The following SVIL variants were observed in gnomAD, a reference collection of about 807,000 sequenced individuals.
SVIL encodes the protein archvillin.
In SVIL, 101 loss-of-function variants were observed where a neutral mutation model predicts 240.4. That is an observed-to-expected ratio of 0.42 (90% CI 0.36 to 0.50). SVIL has a LOEUF of 0.50. Ranked by LOEUF, SVIL falls within the 20% of genes least tolerant of loss-of-function variation. The probability of loss-of-function intolerance (pLI) is 0.01; values close to 1 mark genes in which losing one functional copy is unlikely to be tolerated. For synonymous variants in SVIL, 999 were observed against 1,100.0 expected, an observed-to-expected ratio of 0.91 and a Z score of 1.82; for missense variants, 2,512 against 2,818.7, an observed-to-expected ratio of 0.89 and a Z score of 2.46.
chr10:29,713,912 T>A (rs1963452188), intron 1 of SVIL, among the ~76,000 whole-genome samples: 1 of 152,248 alleles, frequency 6.6e-6, no homozygotes, highest in Non-Finnish European at 1.5e-5. Flanking sequence ...AATGTGCTTA[T>A]GAGCTTTTGG....
chr10:29,499,099 G>T lies in SVIL; in HGVS notation c.3664+17C>A, dbSNP rs200467505. On this transcript the variant is annotated intron_variant, in intron 18 of 37. Coordinates refer to ENST00000355867, the MANE Select transcript of SVIL (RefSeq NM_021738.3). ...GCATTGTGCACACACCACACACATG[G>T]ACACACACACACTGACCTTTCTTCA... is the stretch of plus-strand genomic sequence containing the variant. 2.5e-6 allele frequency: 4 copies of T among 1,587,842 alleles called. No homozygotes were observed. The highest frequency in any genetic ancestry group is 1.1e-5 in the South Asian group (1 of 89,744).
intron 6 of SVIL, among the ~76,000 whole-genome samples, chr10:29,540,105 G>A (rs946657132): frequency 3.3e-5 from 5 of 152,056 alleles, no homozygotes; most frequent in East Asian, 3.9e-4. Flanking sequence ...TCTATCTTCC[G>A]CTTAGCAGCC....
chr10:29,646,426 G>A (rs1958661144), intron 3 of SVIL, among the ~76,000 whole-genome samples: 1 of 152,170 alleles, frequency 6.6e-6, no homozygotes, highest in African/African-American at 2.4e-5. Context: ...CGCTGCCCAG[G>A]GACCATGTGT....
At position 29,492,382 on chromosome 10, in the gene SVIL, G is replaced by A. The variant is rs112062399; in HGVS notation, c.4019+832C>T. Reference sequence around the variant, plus strand: ...TGGGGTGTCCATCTGCCGCCAGGCCGCTGCCTGACGGAGAGTGAGGCCAGC... The same window carrying A: ...TGGGGTGTCCATCTGCCGCCAGGCCACTGCCTGACGGAGAGTGAGGCCAGC... On this transcript the variant is annotated intron_variant, in intron 21 of 37. Coordinates refer to ENST00000355867, the MANE Select transcript of SVIL (RefSeq NM_021738.3). Among the ~76,000 whole-genome samples the A allele has an allele frequency of 8.6e-3, 1,310 of 152,056 alleles. 15 individuals are homozygous for A. The highest frequency in any genetic ancestry group is 0.027 in the African/African-American group (1,139 of 41,472).
chr10:29,691,517 A>T (rs1220242763), intron 1 of SVIL, among the ~76,000 whole-genome samples: 1 of 152,128 alleles, frequency 6.6e-6, no homozygotes, highest in African/African-American at 2.4e-5. Context: ...AGCCCCAATA[A>T]TGAATAATTT....
intron 2 of SVIL, among the ~76,000 whole-genome samples, chr10:29,663,479 C>G (rs951257737): frequency 6.6e-6 from 1 of 152,156 alleles, no homozygotes; most frequent in Non-Finnish European, 1.5e-5. Context: ...ACCTCCGCCT[C>G]CCAGGTCCAT....
At chr10:29,469,325 T>C (rs1945291519) in intron 32 of SVIL, among the ~76,000 whole-genome samples, 1 of 152,172 alleles carries the variant, frequency 6.6e-6, no homozygotes, top group Non-Finnish European at 1.5e-5. Context: ...CGTTCTCCTC[T>C]CTGCCCTCTC....
chr10:29,500,747 G>T (rs951483435), intron 17 of SVIL, among the ~76,000 whole-genome samples: 1 of 152,126 alleles, frequency 6.6e-6, no homozygotes, highest in Non-Finnish European at 1.5e-5. Flanking sequence ...AAGGCCTCGC[G>T]CTGACACAGG....
chr10:29,719,921 T>C (rs1247093), intron 1 of SVIL, among the ~76,000 whole-genome samples: 2 of 151,930 alleles, frequency 1.3e-5, no homozygotes, highest in Admixed American at 6.6e-5. Context: ...GGCTGAAAAA[T>C]TATGCCAAAC....
chr10:29,585,530 C>T (rs1415051077), intron 1 of SVIL, among the ~76,000 whole-genome samples: 8 of 152,112 alleles, frequency 5.3e-5, no homozygotes, highest in Non-Finnish European at 8.8e-5. Context: ...TTTGTGCTTT[C>T]CCTGAACAGC....
intron 1 of SVIL, among the ~76,000 whole-genome samples, chr10:29,569,987 C>T (rs986266731): frequency 6.6e-6 from 1 of 152,206 alleles, no homozygotes; most frequent in African/African-American, 2.4e-5. Flanking sequence ...GTTTTACAGC[C>T]TTTGGCTTAC....
chr10:29,478,466 T>A (rs1946448615), intron 29 of SVIL, among the ~76,000 whole-genome samples: 1 of 152,178 alleles, frequency 6.6e-6, no homozygotes, highest in Non-Finnish European at 1.5e-5. Context: ...ATAATCCCTA[T>A]TTTCCAGGTG....
At chr10:29,479,469 G>T (rs1448043332) in intron 29 of SVIL, among the ~76,000 whole-genome samples, 2 of 152,114 alleles carry the variant, frequency 1.3e-5, no homozygotes, top group Non-Finnish European at 2.9e-5. Flanking sequence ...GGGGCAGGGG[G>T]ACCTCTGGGC....
At chr10:29,601,160 C>T (rs1231727694) in intron 1 of SVIL, among the ~76,000 whole-genome samples, 1 of 151,838 alleles carries the variant, frequency 6.6e-6, no homozygotes, top group Non-Finnish European at 1.5e-5. Flanking sequence ...GCTAATGATA[C>T]CAGCATAAAT....
rs1947245423 is a variant in SVIL, at chr10:29,484,884, G to A, written c.4780-53C>T. On this transcript the variant is annotated intron_variant, in intron 26 of 37. Coordinates refer to ENST00000355867, the MANE Select transcript of SVIL (RefSeq NM_021738.3). This position sits in a 1 kb window ranked among gnomAD's most constrained non-coding sequence, Gnocchi z 4.7. ...TTAACTTCAAGAACATGCAACAGTT[G>A]AATCAGGTGCAACAGGGTCTCTTGT... 1.3e-6 allele frequency: 2 copies of A among 1,527,736 alleles called. No individual in the cohort carries two copies. The highest frequency in any genetic ancestry group is 1.8e-6 in the Non-Finnish European group (2 of 1,126,278). The allele number at this position is 1,527,736 out of a possible 1,614,324, so 94.6% of individuals were successfully genotyped here. A position where few individuals can be genotyped will look rare whatever the true frequency, so the allele number is the denominator to read the frequency against.
intron 2 of SVIL, among the ~76,000 whole-genome samples, chr10:29,677,996 A>G (rs78507452): frequency 0.12 from 17,708 of 152,084 alleles, 1,208 homozygotes; most frequent in Admixed American, 0.2. Flanking sequence ...TATCACTAGA[A>G]AGTCATTTAT....
chr10:29,664,662 T>C (rs1959196346), intron 2 of SVIL, among the ~76,000 whole-genome samples: 1 of 150,684 alleles, frequency 6.6e-6, no homozygotes, highest in African/African-American at 2.5e-5. Flanking sequence ...GAGTCAATTT[T>C]ATATTTCGTA....
intron 29 of SVIL, among the ~76,000 whole-genome samples, 198 bp from the exon 30 acceptor site, chr10:29,474,187 C>T (rs545514633): frequency 1.3e-5 from 2 of 152,206 alleles, no homozygotes; most frequent in Non-Finnish European, 1.5e-5. Context: ...CCTTCCAGCT[C>T]CTGACCCAGA....
At chr10:29,613,583 C>T (rs1199579888) in intron 1 of SVIL, among the ~76,000 whole-genome samples, 1 of 152,154 alleles carries the variant, frequency 6.6e-6, no homozygotes, top group Admixed American at 6.5e-5. Flanking sequence ...AGTGATCCTC[C>T]TGCGTAGGCC....
Sources: allele counts gnomAD v4.1 joint callset (sites outside exome capture counted in the v4.1 genomes callset), GRCh38; gene constraint gnomAD v4.1.1; non-coding constraint Gnocchi (gnomAD v3.1); transcripts MANE v1.5; gene names NCBI Gene and HGNC (gene_info 2026-07-23, HGNC 2026-07-21).